The following KCNK10 variants were observed in gnomAD, a reference collection of about 807,000 sequenced individuals.
KCNK10 encodes the protein potassium two pore domain channel subfamily K member 10, also known as potassium channel subfamily K member 10.
A neutral mutation model predicts 47.7 loss-of-function variants in KCNK10; 25 were observed. The ratio of observed to expected loss-of-function variants is 0.52; its 90% CI spans 0.38 to 0.73. The LOEUF is 0.73. Ranked by LOEUF, KCNK10 falls within the 30% of genes least tolerant of loss-of-function variation. The probability of loss-of-function intolerance (pLI) is 0.00; values close to 1 mark genes in which losing one functional copy is unlikely to be tolerated. For missense variants in KCNK10, 563 were observed against 714.5 expected (o/e 0.79, Z 2.42); for synonymous variants, 303 against 285.6 (o/e 1.06, Z -0.61).
intron 1 of KCNK10, among the ~76,000 whole-genome samples, chr14:88,266,335 G>A (rs1275721743): frequency 6.6e-6 from 1 of 152,150 alleles, no homozygotes; most frequent in African/African-American, 2.4e-5. Flanking sequence ...CACCTTTGCA[G>A]GTGTTGTCCT....
At chr14:88,287,858 G>A (rs1450108857) in intron 1 of KCNK10, among the ~76,000 whole-genome samples, 1 of 152,034 alleles carries the variant, frequency 6.6e-6, no homozygotes, top group African/African-American at 2.4e-5. Context: ...TTTCCTCTAG[G>A]TATGCACCCA....
chr14:88,222,598 A>G (rs187890437), intron 4 of KCNK10, among the ~76,000 whole-genome samples: 23 of 152,316 alleles, frequency 1.5e-4, no homozygotes, highest in Admixed American at 3.9e-4. Flanking sequence ...CAAATGTACC[A>G]GTCTGGTGCG....
intron 1 of KCNK10, among the ~76,000 whole-genome samples, chr14:88,304,594 G>T (rs376200125): frequency 1.3e-5 from 2 of 152,168 alleles, no homozygotes; most frequent in African/African-American, 2.4e-5. Flanking sequence ...TTGTTCGAGC[G>T]CTCATGCTGT....
chr14:88,264,734 A>G (rs1392951330), intron 1 of KCNK10, among the ~76,000 whole-genome samples: 2 of 152,210 alleles, frequency 1.3e-5, no homozygotes, highest in Admixed American at 6.5e-5. Context: ...AAATCACTCC[A>G]TGTTAAATTT....
intron 1 of KCNK10, among the ~76,000 whole-genome samples, chr14:88,275,520 C>A (rs1198312784): frequency 2.0e-5 from 3 of 151,988 alleles, no homozygotes; most frequent in Admixed American, 2.0e-4. Flanking sequence ...TTTAGGAGAT[C>A]CCTCCAGACA....
intron 1 of KCNK10, among the ~76,000 whole-genome samples, chr14:88,292,336 A>AT (rs2139782035): frequency 6.6e-6 from 1 of 151,942 alleles, no homozygotes; most frequent in African/African-American, 2.4e-5. Flanking sequence ...GAGCTTTGTG[A>AT]TTTTGTTTTG....
chr14:88,219,569 T>G (rs1310109520), intron 4 of KCNK10, among the ~76,000 whole-genome samples: 1 of 152,246 alleles, frequency 6.6e-6, no homozygotes, highest in Non-Finnish European at 1.5e-5. Context: ...AGTGAAGACA[T>G]CTTCTCTATG....
chr14:88,254,122 A>G (rs1366713625), intron 2 of KCNK10, among the ~76,000 whole-genome samples: 2 of 152,046 alleles, frequency 1.3e-5, no homozygotes, highest in Admixed American at 6.6e-5. Context: ...AGACAGAAAA[A>G]CTATCATGAA....
At chr14:88,253,896 T>C (rs1448503980) in intron 2 of KCNK10, among the ~76,000 whole-genome samples, 1 of 152,152 alleles carries the variant, frequency 6.6e-6, no homozygotes, top group Non-Finnish European at 1.5e-5. Flanking sequence ...AGACGCCATC[T>C]TGGGGGCAGA....
At chr14:88,264,765 C>A (rs559813176) in intron 1 of KCNK10, among the ~76,000 whole-genome samples, 1 of 152,294 alleles carries the variant, frequency 6.6e-6, no homozygotes, top group African/African-American at 2.4e-5. Context: ...TACACAAACG[C>A]AAAATTGCCT....
chr14:88,263,683 A>C (rs1297896), intron 1 of KCNK10, 132 bp from the exon 2 acceptor site: 1 of 791,816 alleles, frequency 1.3e-6, no homozygotes, highest in Non-Finnish European at 1.9e-6. Context: ...CTGGTTCACC[A>C]AGCCTGCAGT....
intron 1 of KCNK10, among the ~76,000 whole-genome samples, chr14:88,292,362 T>C (rs929574688): frequency 6.6e-6 from 1 of 152,320 alleles, no homozygotes; most frequent in African/African-American, 2.4e-5. Context: ...GTTGCTGTTG[T>C]TGTTTGAGAT....
At position 88,302,877 on chromosome 14, in the gene KCNK10, G is replaced by A. The variant is rs1031077424; in HGVS notation, c.52+19870C>T. ...ACTGCCTGGCACTTTCACCTTAGGC[G>A]CTCCCCCTTCCTTTAACAGATCCAA... On this transcript the variant is annotated intron_variant, in intron 1 of 6. Transcript: ENST00000319231. Among the ~76,000 whole-genome samples, 14 of 152,204 alleles carry A rather than the reference G, an allele frequency of 9.2e-5. No homozygotes were observed. The East Asian group carries it at 9.7e-4, about 11-fold the overall frequency.
At chr14:88,313,951 G>A (rs1031865180) in intron 1 of KCNK10, among the ~76,000 whole-genome samples, 4 of 152,142 alleles carry the variant, frequency 2.6e-5, no homozygotes, top group Admixed American at 2.6e-4. Flanking sequence ...ATGTCTCACA[G>A]AACACATTTT....
Position 88,199,891 on chromosome 14 carries a change from A to C in KCNK10, c.682-7481T>G, listed in dbSNP as rs368828737. ...CTTCAAGGTCAGATAGATTTAGGTC[A>C]ACACCTATACAAATACCTGGGTATT... On this transcript the variant is annotated intron_variant, in intron 4 of 6. Transcript: ENST00000319231. 4.5e-4 allele frequency among the ~76,000 whole-genome samples: 69 copies of C among 152,384 alleles called. No individual in the cohort carries two copies. In the East Asian group the frequency reaches 7.9e-3, roughly 17 times the overall value.
chr14:88,185,382 C>T lies in KCNK10; in HGVS notation c.*153G>A. The T allele has an allele frequency of 8.9e-7, 1 of 1,124,182 alleles. No homozygotes were observed. Among genetic ancestry groups the T allele is most frequent in the Non-Finnish European group, 1.2e-6 (1 of 813,206 alleles). The allele number at this position is 1,124,182 out of a possible 1,614,324, so 69.6% of individuals were successfully genotyped here. Reference sequence around the variant, plus strand: ...CTCTGATTCCTTTTGGCAGAGCAAGCTTTCAGTTGTTTATGGCACAGTGAA... The same window carrying T: ...CTCTGATTCCTTTTGGCAGAGCAAGTTTTCAGTTGTTTATGGCACAGTGAA... On this transcript the variant is annotated 3_prime_UTR_variant, in exon 7 of 7. Coordinates refer to ENST00000319231, the MANE Select transcript of KCNK10 (RefSeq NM_138317.3). The surrounding 1 kb of genome is among the most constrained non-coding windows in gnomAD (Gnocchi z 4.3).
At chr14:88,264,171 G>A (rs1036726697) in intron 1 of KCNK10, among the ~76,000 whole-genome samples, 2 of 152,136 alleles carry the variant, frequency 1.3e-5, no homozygotes, top group African/African-American at 4.8e-5. Flanking sequence ...CCAATAAGAC[G>A]TCATTGGAAA....
chr14:88,322,618 CA>C lies in KCNK10; in HGVS notation c.52+128del. 1 of 1,267,710 alleles carries C rather than the reference CA, an allele frequency of 7.9e-7. No homozygotes were observed. The highest frequency in any genetic ancestry group is 1.1e-6 in the Non-Finnish European group (1 of 884,736). The allele number at this position is 1,267,710 out of a possible 1,614,324, so 78.5% of individuals were successfully genotyped here. The stretch of plus-strand genomic sequence containing the variant: ...CTCCGCCCTCCTCCCACCCGCGCTG[CA>C]GTTCCCAGGCGCATTTCCCAGCCTC... On this transcript the variant is annotated intron_variant, in intron 1 of 6. Transcript: ENST00000319231. The surrounding 1 kb of genome is among the most constrained non-coding windows in gnomAD (Gnocchi z 4.8).
chr14:88,279,367 G>A lies in KCNK10; in HGVS notation c.53-15816C>T, dbSNP rs1464835824. 1.3e-3 allele frequency among the ~76,000 whole-genome samples: 52 copies of A among 39,882 alleles called. 1 individual carries two copies. Among genetic ancestry groups the A allele is most frequent in the Admixed American group, 3.7e-3 (10 of 2,684 alleles). 26.2% of individuals were successfully genotyped at this position (39,882 alleles called of 152,430 possible). A position where few individuals can be genotyped will look rare whatever the true frequency, so the allele number is the denominator to read the frequency against. ...GTTAAGGGAGAATTGCCAGATACGTGTGTGTGTGTGTGTGTGTGTGTGTGT... is the reference window on the plus strand; with the variant it reads ...GTTAAGGGAGAATTGCCAGATACGTATGTGTGTGTGTGTGTGTGTGTGTGT... On this transcript the variant is annotated intron_variant, in intron 1 of 6. Transcript: ENST00000319231.
Sources: allele counts gnomAD v4.1 joint callset (sites outside exome capture counted in the v4.1 genomes callset), GRCh38; gene constraint gnomAD v4.1.1; non-coding constraint Gnocchi (gnomAD v3.1); transcripts MANE v1.5; gene names NCBI Gene and HGNC (gene_info 2026-07-23, HGNC 2026-07-21).